ZNF337: variants seen among roughly 807,000 people sequenced by gnomAD.
The protein encoded by ZNF337 is zinc finger protein 337.
Under a neutral mutation model 12.1 loss-of-function variants are expected in ZNF337, and 8 were observed. The ratio of observed to expected loss-of-function variants is 0.66; its 90% CI spans 0.39 to 1.19. The LOEUF (loss-of-function observed/expected upper bound fraction) is 1.19. Ranked by LOEUF, ZNF337 falls within the 50% of genes most tolerant of loss-of-function variation. The pLI is 0.01. For synonymous variants in ZNF337, 336 were observed against 320.0 expected, an observed-to-expected ratio of 1.05 and a Z score of -0.53; for missense variants, 882 against 896.6, an observed-to-expected ratio of 0.98 and a Z score of 0.21.
intron 1 of ZNF337, among the ~76,000 whole-genome samples, chr20:25,693,265 T>C (rs1381318162): frequency 6.6e-6 from 1 of 152,110 alleles, no homozygotes; most frequent in African/African-American, 2.4e-5. Flanking sequence ...TTAGTAGAGA[T>C]GAGGTTTCAC....
chr20:25,687,785 GAATGCAT>G (rs2065847993), intron 1 of ZNF337, among the ~76,000 whole-genome samples: 1 of 152,238 alleles, frequency 6.6e-6, no homozygotes, highest in South Asian at 2.1e-4. Flanking sequence ...AGTGTGAGAT[GAATGCAT>G]AACTATTTTC....
chr20:25,680,076 G>A (rs1392568748), intron 4 of ZNF337, among the ~76,000 whole-genome samples: 1 of 152,056 alleles, frequency 6.6e-6, no homozygotes, highest in Non-Finnish European at 1.5e-5. Flanking sequence ...GGTGAAATAA[G>A]CCAGGCACAG....
rs769099657 is a variant in ZNF337 at position 25,675,507 on chromosome 20, T to A, written c.1781A>T (p.His594Leu). 1.9e-6 allele frequency: 3 copies of A among 1,614,066 alleles called. No homozygotes were observed. The change falls in exon 5 of 5, where the codon CAC (histidine) becomes CTC (leucine). Residue 594 changes from histidine (H) to leucine (L), a missense_variant. Physicochemically the swap from His to Leu is moderately conservative, Grantham distance 99 (BLOSUM62 -3). Coordinates refer to ENST00000252979, the MANE Select transcript of ZNF337 (RefSeq NM_015655.4). The part of the protein sequence containing the change: ...KSTLLFHQKT[H>L]SGEKPFICSE... ...ACAGATGAAAGGCTTCTCCCCTGAG[T>A]GTGTCTTCTGGTGGAAGAGGAGAGT... is the stretch of plus-strand genomic sequence containing the variant.
At chr20:25,683,711 T>G (rs527922369) in intron 4 of ZNF337, among the ~76,000 whole-genome samples, 91 of 152,234 alleles carry the variant, frequency 6.0e-4, no homozygotes, top group Non-Finnish European at 1.1e-3. Context: ...CAACAGGTGC[T>G]GGAGAGGATG....
intron 1 of ZNF337, among the ~76,000 whole-genome samples, chr20:25,691,655 T>G (rs1281168104): frequency 6.6e-6 from 1 of 152,150 alleles, no homozygotes; most frequent in African/African-American, 2.4e-5. Flanking sequence ...GTGGAGTTTC[T>G]CTCAGAGTGG....
chr20:25,691,274 CAGAAG>C (rs1470251641), intron 1 of ZNF337, among the ~76,000 whole-genome samples: 1 of 151,930 alleles, frequency 6.6e-6, no homozygotes, highest in African/African-American at 2.4e-5. Flanking sequence ...GACAGAGAAG[CAGAAG>C]AGAAAAGAAT....
Position 25,686,394 on chromosome 20 carries a change from T to C in ZNF337, c.24A>G (p.Arg8=). MGPQGAR[R]QAFLAFGDVT... is the part of the protein sequence containing the mutation. Reference sequence around the variant, plus strand: ...CGACAGTTCTGGGAAGTCTCACCTGTCTCCTGGCTCCCTGAGGTCCCATGA... The same window carrying C: ...CGACAGTTCTGGGAAGTCTCACCTGCCTCCTGGCTCCCTGAGGTCCCATGA... The change falls in exon 2 of 5, where the codon AGA becomes AGG. Residue 8 remains arginine (R), a synonymous_variant. Transcript: ENST00000252979. 9 of 1,613,920 alleles carry C rather than the reference T, an allele frequency of 5.6e-6. No homozygotes were observed. The highest frequency in any genetic ancestry group is 7.6e-6 in the Non-Finnish European group (9 of 1,179,832).
At chr20:25,689,176 C>T (rs1396683846) in intron 1 of ZNF337, among the ~76,000 whole-genome samples, 1 of 150,168 alleles carries the variant, frequency 6.7e-6, no homozygotes, top group Non-Finnish European at 1.5e-5. Flanking sequence ...TGGTGGCGAG[C>T]GCCTGTAGTC....
In ZNF337 at chr20:25,685,655, G is replaced by A; in HGVS notation, c.162C>T (p.Leu54=). 3.7e-6 allele frequency: 6 copies of A among 1,613,950 alleles called. No individual in the cohort carries two copies. The highest frequency in any genetic ancestry group is 5.1e-6 in the Non-Finnish European group (6 of 1,179,950). ...GCCTGATGAGTTCTGGTTTAGAATG[G>A]AGAATTCCTGCTCACAGGGAAAAAA... ...NYSHLVSLGI[L]HSKPELIRRL... is the part of the protein sequence containing the mutation. The change falls in exon 4 of 5, where the codon CTC becomes CTT. Residue 54 remains leucine (L), a synonymous_variant. Transcript: ENST00000252979.
rs1044841246 is a variant in ZNF337, at chr20:25,695,201, G to T, written c.-50+1558C>A. ...CAGGAGAACTGCTCAAACCTGGGAGGTGGAGGTTGCAGTGAGCTGAGATCA... is the reference window on the plus strand; with the variant it reads ...CAGGAGAACTGCTCAAACCTGGGAGTTGGAGGTTGCAGTGAGCTGAGATCA... On this transcript the variant is annotated intron_variant, in intron 1 of 4. Coordinates refer to ENST00000252979, the MANE Select transcript of ZNF337 (RefSeq NM_015655.4). 1.2e-4 allele frequency among the ~76,000 whole-genome samples: 18 copies of T among 152,316 alleles called. No individual in the cohort carries two copies. In the East Asian group the frequency reaches 3.5e-3, roughly 29 times the overall value.
intron 1 of ZNF337, among the ~76,000 whole-genome samples, chr20:25,693,051 C>T (rs2065894218): frequency 6.6e-6 from 1 of 152,148 alleles, no homozygotes; most frequent in Non-Finnish European, 1.5e-5. Flanking sequence ...CAACCCAGTC[C>T]ACTTGATCCC....
At chr20:25,680,891 C>G (rs1373572093) in intron 4 of ZNF337, 1 of 152,192 alleles carries the variant, frequency 6.6e-6, no homozygotes, top group African/African-American at 2.4e-5. Flanking sequence ...TTCACACTTT[C>G]AGAAGTCAGT....
Position 25,675,526 on chromosome 20 carries a change from GGA to G in ZNF337, c.1760_1761del (p.Leu587ProfsTer16). The G allele has an allele frequency of 6.2e-7, 1 of 1,612,162 alleles. No individual in the cohort carries two copies. On this transcript the variant is annotated frameshift_variant, in exon 5 of 5. Transcript: ENST00000252979. LOFTEE classifies it low-confidence loss of function (END_TRUNC). ...CGRGFILKST[L>X]LFHQKTHSGE... The stretch of plus-strand genomic sequence containing the variant: ...CCTGAGTGTGTCTTCTGGTGGAAGA[GGA>G]GAGTTGATTTTAGGATGAAGCCTCG...
At chr20:25,683,834 T>C (rs73597828) in intron 4 of ZNF337, among the ~76,000 whole-genome samples, 1 of 152,074 alleles carries the variant, frequency 6.6e-6, no homozygotes, top group Non-Finnish European at 1.5e-5. Flanking sequence ...ACCATTTGAC[T>C]CAGCCATCCC....
rs775871346 is a variant in ZNF337 at position 25,675,259 on chromosome 20, G to A, written c.2029C>T (p.Arg677Trp). The A allele has an allele frequency of 8.1e-6, 13 of 1,613,926 alleles. No individual in the cohort carries two copies. Among genetic ancestry groups the A allele is most frequent in the Admixed American group, 3.3e-5 (2 of 59,988 alleles). ...WKRSLTRHHW[R>W]IHSKEKPFVC... Reference sequence around the variant, plus strand: ...AAAGGCTTCTCCTTTGAGTGTATCCGCCAGTGGTGTCTGGTGAGACTTCTC... The same window carrying A: ...AAAGGCTTCTCCTTTGAGTGTATCCACCAGTGGTGTCTGGTGAGACTTCTC... Residue 677 changes from arginine to tryptophan, a missense_variant, in exon 5 of 5, where the codon CGG becomes TGG. Coordinates refer to ENST00000252979, the MANE Select transcript of ZNF337 (RefSeq NM_015655.4).
rs1430794681 is a variant in ZNF337, at chr20:25,676,372, AG to A, written c.915del (p.Ser306HisfsTer6). 1 of 1,613,202 alleles carries A rather than the reference AG, an allele frequency of 6.2e-7. No homozygotes were observed. Among genetic ancestry groups the A allele is most frequent in the Non-Finnish European group, 8.5e-7 (1 of 1,179,814 alleles). On this transcript the variant is annotated frameshift_variant, in exon 5 of 5. Coordinates refer to ENST00000252979, the MANE Select transcript of ZNF337 (RefSeq NM_015655.4). LOFTEE classifies it low-confidence loss of function (END_TRUNC). Reference sequence around the variant, plus strand: ...TGCGCCTTCAAGTGCTTGTTGTATGAGGACTTATCGTTAAACCTTCGCCCAC... The same window carrying A: ...TGCGCCTTCAAGTGCTTGTTGTATGAGACTTATCGTTAAACCTTCGCCCAC... ...QECGRRFNDK[S>X]SYNKHLKAHS... is the part of the protein sequence containing the mutation.
intron 4 of ZNF337, chr20:25,680,705 CAGTTA>C (rs1416393416): frequency 2.0e-5 from 3 of 152,132 alleles, no homozygotes; most frequent in African/African-American, 7.2e-5. Context: ...CGGATAATGA[CAGTTA>C]AGTTTGCTGA....
chr20:25,691,668 CA>C (rs1344260610), intron 1 of ZNF337, among the ~76,000 whole-genome samples: 1 of 152,070 alleles, frequency 6.6e-6, no homozygotes, highest in Non-Finnish European at 1.5e-5. Context: ...CAGAGTGGAC[CA>C]AAATGGGGGT....
chr20:25,696,132 G>A (rs940839826), intron 1 of ZNF337, among the ~76,000 whole-genome samples: 5 of 135,658 alleles, frequency 3.7e-5, no homozygotes, highest in Non-Finnish European at 6.1e-5. Flanking sequence ...GCCCGTGCGA[G>A]GACATTTGGT....
Sources: allele counts gnomAD v4.1 joint callset (sites outside exome capture counted in the v4.1 genomes callset), GRCh38; gene constraint gnomAD v4.1.1; transcripts MANE v1.5; gene names NCBI Gene and HGNC (gene_info 2026-07-23, HGNC 2026-07-21).